The following PYM1 variants were observed in gnomAD, a reference collection of about 807,000 sequenced individuals.
PYM1 encodes partner of Y14 and mago.
PYM1 carries 7 observed loss-of-function variants against 20.7 expected under a neutral mutation model. The observed-to-expected ratio is 0.34, with a 90% confidence interval of 0.19 to 0.64. The LOEUF (loss-of-function observed/expected upper bound fraction) is 0.64. Among genes scored for constraint, PYM1 ranks in the 30% least tolerant of loss-of-function variants. The probability of loss-of-function intolerance (pLI) is 0.74; values close to 1 mark genes in which losing one functional copy is unlikely to be tolerated. For missense variants in PYM1, 194 were observed against 250.0 expected (o/e 0.78, Z 1.51); for synonymous variants, 100 against 99.2 (o/e 1.01, Z -0.05).
At chr12:55,905,888 ATT>A (rs1491574664) in intron 1 of PYM1, among the ~76,000 whole-genome samples, 1 of 72,650 alleles carries the variant, frequency 1.4e-5, no homozygotes, top group African/African-American at 4.5e-5. Flanking sequence ...AGATATATAT[ATT>A]ATTATATATA....
At chr12:55,904,236 G>A (rs1454233248) in intron 1 of PYM1, among the ~76,000 whole-genome samples, 1 of 151,438 alleles carries the variant, frequency 6.6e-6, no homozygotes, top group Non-Finnish European at 1.5e-5. Context: ...CAAATTGCTG[G>A]GATTATAGGC....
intron 1 of PYM1, 118 bp downstream of exon 1, chr12:55,927,607 T>C (rs1883219075): frequency 7.4e-7 from 1 of 1,350,310 alleles, no homozygotes; most frequent in Non-Finnish European, 1.0e-6. Flanking sequence ...AGACCCTATC[T>C]AACCCTAAGA....
chr12:55,911,212 G>A (rs1882916722), intron 1 of PYM1, among the ~76,000 whole-genome samples: 1 of 152,066 alleles, frequency 6.6e-6, no homozygotes, highest in Non-Finnish European at 1.5e-5. Context: ...AGGTTCAAAC[G>A]ATTCTCCTGC....
chr12:55,914,478 A>G (rs1255294996), intron 1 of PYM1: 16 of 634,430 alleles, frequency 2.5e-5, no homozygotes, highest in South Asian at 3.5e-5. Flanking sequence ...AAGCTTTGTC[A>G]TTTTCTCACA....
intron 1 of PYM1, among the ~76,000 whole-genome samples, chr12:55,925,346 G>A (rs1410294622): frequency 1.3e-5 from 2 of 152,190 alleles, no homozygotes; most frequent in African/African-American, 2.4e-5. Context: ...AGTGAAATAG[G>A]TGACTGGTAA....
Position 55,910,704 on chromosome 12 carries a change from A to G in PYM1, c.38-7224T>C, listed in dbSNP as rs151083826. Among the ~76,000 whole-genome samples the G allele has an allele frequency of 7.9e-5, 12 of 152,218 alleles. No individual in the cohort carries two copies. In the East Asian group the frequency reaches 2.1e-3, roughly 27 times the overall value. On this transcript the variant is annotated intron_variant, in intron 1 of 2. Transcript: ENST00000408946. ...GGTGATCCACCCACCTCAGCCTCCC[A>G]AAGTGTTGGGATTGCAGGCGTGAGC... is the stretch of plus-strand genomic sequence containing the variant.
intron 1 of PYM1, chr12:55,927,196 C>A (rs1257320162): frequency 6.5e-7 from 1 of 1,539,708 alleles, no homozygotes. Context: ...CGTAGCAAGC[C>A]ACCATCTTAG....
rs746730614 is a variant in PYM1 at position 55,903,375 on chromosome 12, C to G, written c.131+12G>C. ...CCATCAGAAAACCCCTACGCAAAGC[C>G]TAACCACGTACACTGGGACCTCCTC... On this transcript the variant is annotated intron_variant, in intron 2 of 2. Transcript: ENST00000408946. 24 of 1,613,384 alleles carry G rather than the reference C, an allele frequency of 1.5e-5. No homozygotes were observed. In the African/African-American group the frequency reaches 1.9e-4, roughly 13 times the overall value.
At chr12:55,904,229 AT>A (rs1336872479) in intron 1 of PYM1, among the ~76,000 whole-genome samples, 5 of 151,554 alleles carry the variant, frequency 3.3e-5, no homozygotes, top group Admixed American at 3.3e-4. Context: ...GGCCTCCCAA[AT>A]TGCTGGGATT....
chr12:55,925,783 T>C (rs1883177210), intron 1 of PYM1, among the ~76,000 whole-genome samples: 1 of 152,194 alleles, frequency 6.6e-6, no homozygotes, highest in Non-Finnish European at 1.5e-5. Context: ...TAAGGTAAGA[T>C]GTGATACCTG....
chr12:55,904,276 T>A (rs1437991770), intron 1 of PYM1, among the ~76,000 whole-genome samples: 1 of 149,408 alleles, frequency 6.7e-6, no homozygotes, highest in Non-Finnish European at 1.5e-5. Context: ...CTTTAAAGGG[T>A]ATTCGTTGAT....
At chr12:55,906,925 G>A (rs900156268) in intron 1 of PYM1, among the ~76,000 whole-genome samples, 1 of 151,966 alleles carries the variant, frequency 6.6e-6, no homozygotes, top group Non-Finnish European at 1.5e-5. Context: ...TGAGATTACA[G>A]GTGTGAGCCA....
chr12:55,924,412 G>C (rs1883154353), intron 1 of PYM1, among the ~76,000 whole-genome samples: 1 of 152,090 alleles, frequency 6.6e-6, no homozygotes, highest in African/African-American at 2.4e-5. Context: ...GCAGACTGAG[G>C]TGGGAAGATC....
In PYM1 at chr12:55,901,820, C is replaced by G; in HGVS notation, c.*52G>C. The G allele has an allele frequency of 6.5e-7, 1 of 1,542,590 alleles. No individual in the cohort carries two copies. Among genetic ancestry groups the G allele is most frequent in the Non-Finnish European group, 8.7e-7 (1 of 1,148,318 alleles). Reference sequence around the variant, plus strand: ...GCTGTTGCCCGTATTCCCCCAGACCCCAGAGAGCCCCACGGTTTGTTCTGC... The same window carrying G: ...GCTGTTGCCCGTATTCCCCCAGACCGCAGAGAGCCCCACGGTTTGTTCTGC... On this transcript the variant is annotated 3_prime_UTR_variant, in exon 3 of 3. Coordinates refer to ENST00000408946, the MANE Select transcript of PYM1 (RefSeq NM_032345.3).
chr12:55,908,990 C>T (rs1329447841), intron 1 of PYM1, among the ~76,000 whole-genome samples: 5 of 151,946 alleles, frequency 3.3e-5, no homozygotes, highest in East Asian at 1.9e-4. Flanking sequence ...TGGGAATGGG[C>T]GTGAGTAGGG....
At chr12:55,909,432 T>C (rs771876541) in intron 1 of PYM1, among the ~76,000 whole-genome samples, 3 of 152,238 alleles carry the variant, frequency 2.0e-5, no homozygotes, top group Non-Finnish European at 4.4e-5. Context: ...GATTTTAATA[T>C]CTGGCACATG....
intron 1 of PYM1, among the ~76,000 whole-genome samples, chr12:55,906,849 T>C (rs1882825499): frequency 6.6e-6 from 1 of 151,862 alleles, no homozygotes; most frequent in Non-Finnish European, 1.5e-5. Context: ...GATTTCTCTG[T>C]ATTGGTCAGG....
chr12:55,919,686 T>TC (rs1883065600), intron 1 of PYM1, among the ~76,000 whole-genome samples: 2 of 151,300 alleles, frequency 1.3e-5, no homozygotes, highest in Admixed American at 1.3e-4. Context: ...TCACCTGAGG[T>TC]CAGGAGTTCG....
At chr12:55,926,707 G>C (rs1369833437) in intron 1 of PYM1, among the ~76,000 whole-genome samples, 1 of 152,142 alleles carries the variant, frequency 6.6e-6, no homozygotes, top group Non-Finnish European at 1.5e-5. Flanking sequence ...TAGCTGAGAT[G>C]GGGGAGGGGA....
Sources: gnomAD v4.1 joint callset for allele counts (sites outside exome capture counted in the v4.1 genomes callset) on GRCh38, gnomAD v4.1.1 for gene constraint, MANE v1.5 for transcripts, NCBI Gene and HGNC (gene_info 2026-07-23, HGNC 2026-07-21) for gene names.